The following LINGO2 variants were observed in gnomAD, a reference collection of about 807,000 sequenced individuals.
The protein encoded by LINGO2 is leucine rich repeat and Ig domain containing 2.
LINGO2 carries 14 observed loss-of-function variants against 30.6 expected under a neutral mutation model. That is an observed-to-expected ratio of 0.46 (90% CI 0.30 to 0.72). The LOEUF (loss-of-function observed/expected upper bound fraction) is 0.72. Among genes scored for constraint, LINGO2 ranks in the 30% least tolerant of loss-of-function variants. The probability of loss-of-function intolerance (pLI) is 0.07; values close to 1 mark genes in which losing one functional copy is unlikely to be tolerated. For missense variants in LINGO2, 729 were observed against 751.7 expected, an observed-to-expected ratio of 0.97 and a Z score of 0.35; for synonymous variants, 317 against 288.5, an observed-to-expected ratio of 1.10 and a Z score of -1.00.
chr9:29,200,004 C>G, the LINGO2 span, among the ~76,000 whole-genome samples: 40,623 of 151,766 alleles, frequency 0.27, 5,722 homozygotes, highest in East Asian at 0.46. Flanking sequence ...AAGAATATCA[C>G]AGGAAATTAT....
the LINGO2 span, among the ~76,000 whole-genome samples, chr9:28,759,742 A>C: frequency 3.3e-5 from 5 of 152,004 alleles, no homozygotes; most frequent in Admixed American, 3.3e-4. Flanking sequence ...AGGCAAATTA[A>C]CTTGATGAAA....
downstream of LINGO2, among the ~76,000 whole-genome samples, chr9:27,947,395 C>T (rs994664800): frequency 2.0e-5 from 3 of 152,068 alleles, no homozygotes; most frequent in African/African-American, 7.2e-5. Context: ...GAAAAAAAAT[C>T]AGCACAACTT....
the LINGO2 span, among the ~76,000 whole-genome samples, chr9:29,097,734 A>G: frequency 1.4e-5 from 2 of 138,862 alleles, 1 homozygote; most frequent in Non-Finnish European, 3.1e-5. Context: ...TTTATTTAAA[A>G]ACAAAAACTC....
At chr9:28,638,250 T>A (rs886279174) in intron 1 of LINGO2, among the ~76,000 whole-genome samples, 6 of 152,212 alleles carry the variant, frequency 3.9e-5, no homozygotes, top group Non-Finnish European at 8.8e-5. Context: ...TCTGCATCGA[T>A]GTTCATCAGG....
chr9:28,303,315 T>C (rs959275677), intron 3 of LINGO2, among the ~76,000 whole-genome samples: 1 of 152,148 alleles, frequency 6.6e-6, no homozygotes, highest in African/African-American at 2.4e-5. Flanking sequence ...GAGGATAATC[T>C]TGGAGGGAAG....
the LINGO2 span, among the ~76,000 whole-genome samples, chr9:28,705,791 C>G: frequency 6.6e-6 from 1 of 152,132 alleles, no homozygotes; most frequent in Non-Finnish European, 1.5e-5. Context: ...GGTTTTCCTA[C>G]TCTTAACTAA....
At chr9:28,946,657 C>A in the LINGO2 span, among the ~76,000 whole-genome samples, 1 of 152,044 alleles carries the variant, frequency 6.6e-6, no homozygotes, top group Non-Finnish European at 1.5e-5. Flanking sequence ...GAAGACTGCT[C>A]CTCTGAATCT....
chr9:29,131,072 G>A, the LINGO2 span, among the ~76,000 whole-genome samples: 1 of 152,082 alleles, frequency 6.6e-6, no homozygotes, highest in East Asian at 1.9e-4. Flanking sequence ...GATAATAGTA[G>A]CCATTTTTAA....
At chr9:28,310,553 C>G (rs1394003840) in intron 3 of LINGO2, among the ~76,000 whole-genome samples, 1 of 152,130 alleles carries the variant, frequency 6.6e-6, no homozygotes, top group Non-Finnish European at 1.5e-5. Flanking sequence ...CATAGCAGTT[C>G]TGCGCCTGAG....
intron 2 of LINGO2, among the ~76,000 whole-genome samples, chr9:28,443,731 G>T (rs1298096062): frequency 6.6e-6 from 1 of 152,202 alleles, no homozygotes. Context: ...GGGAGCTGAG[G>T]GTGACTCAGT....
intron 1 of LINGO2, among the ~76,000 whole-genome samples, chr9:28,594,133 TAA>T (rs1587929227): frequency 1.3e-5 from 2 of 152,030 alleles, no homozygotes; most frequent in Non-Finnish European, 2.9e-5. Context: ...GTGGGTGTTA[TAA>T]AAGAGCAAAA....
the LINGO2 span, among the ~76,000 whole-genome samples, chr9:28,756,751 G>C: frequency 6.6e-6 from 1 of 151,758 alleles, no homozygotes; most frequent in Non-Finnish European, 1.5e-5. Flanking sequence ...CCCCCTTCAT[G>C]TGCTCTTTAT....
chr9:28,825,700 C>A, the LINGO2 span, among the ~76,000 whole-genome samples: 2 of 152,042 alleles, frequency 1.3e-5, no homozygotes, highest in Non-Finnish European at 2.9e-5. Flanking sequence ...ATTTGGTACA[C>A]TTTCCCCTAT....
the LINGO2 span, among the ~76,000 whole-genome samples, chr9:28,699,659 G>A: frequency 1.2e-4 from 19 of 152,022 alleles, no homozygotes; most frequent in Admixed American, 9.9e-4. Flanking sequence ...TGCAGAGAGC[G>A]TATAAATGGA....
At chr9:28,237,592 GC>G (rs1487713037) in intron 4 of LINGO2, among the ~76,000 whole-genome samples, 1 of 152,108 alleles carries the variant, frequency 6.6e-6, no homozygotes. Flanking sequence ...GCTCACACCT[GC>G]AATCCCAGCA....
chr9:28,768,662 CCT>C, the LINGO2 span, among the ~76,000 whole-genome samples: 32 of 142,536 alleles, frequency 2.2e-4, no homozygotes, highest in Non-Finnish European at 2.2e-4. Context: ...ACAGTCTCTC[CCT>C]CTCTCTCTCT....
chr9:28,401,577 A>G (rs977252595), intron 2 of LINGO2, among the ~76,000 whole-genome samples: 2 of 152,162 alleles, frequency 1.3e-5, no homozygotes, highest in African/African-American at 4.8e-5. Context: ...GCTATTGTAA[A>G]TAGTGCTACA....
chr9:28,847,394 T>G, the LINGO2 span, among the ~76,000 whole-genome samples: 1 of 147,940 alleles, frequency 6.8e-6, no homozygotes, highest in East Asian at 2.0e-4. Flanking sequence ...GTCAGATTTT[T>G]TACAGGAATC....
chr9:28,034,379 C>CT (rs1823831200), intron 4 of LINGO2, among the ~76,000 whole-genome samples: 1 of 152,168 alleles, frequency 6.6e-6, no homozygotes, highest in African/African-American at 2.4e-5. Flanking sequence ...CTATTTAGCT[C>CT]TTCTCTTGCT....
Sources: allele counts gnomAD v4.1 joint callset (sites outside exome capture counted in the v4.1 genomes callset), GRCh38; gene constraint gnomAD v4.1.1; transcripts MANE v1.5; gene names NCBI Gene and HGNC (gene_info 2026-07-23, HGNC 2026-07-21).